TP63: variants seen among roughly 807,000 people sequenced by gnomAD.
TP63 encodes tumor protein 63.
In TP63, 17 loss-of-function variants were observed where a neutral mutation model predicts 82.8. The ratio of observed to expected loss-of-function variants is 0.21; its 90% CI spans 0.14 to 0.31. The LOEUF is 0.31. Among genes scored for constraint, TP63 ranks in the 10% least tolerant of loss-of-function variants. The probability of loss-of-function intolerance (pLI) is 1.00; values close to 1 mark genes in which losing one functional copy is unlikely to be tolerated. For synonymous variants in TP63, 330 were observed against 321.7 expected (o/e 1.03, Z -0.28); for missense variants, 648 against 895.3 (o/e 0.72, Z 3.52).
intron 3 of TP63, among the ~76,000 whole-genome samples, chr3:189,760,973 C>A (rs1722522682): frequency 6.6e-6 from 1 of 152,176 alleles, no homozygotes; most frequent in South Asian, 2.1e-4. Flanking sequence ...CTCTACATTG[C>A]CCCTCTCAGC....
At chr3:189,803,547 T>A (rs1171784023) in intron 3 of TP63, among the ~76,000 whole-genome samples, 1 of 152,228 alleles carries the variant, frequency 6.6e-6, no homozygotes, top group Non-Finnish European at 1.5e-5. Flanking sequence ...GAAAACAGTT[T>A]GAGATTCAGC....
chr3:189,727,432 G>A (rs1184978482), intron 1 of TP63, among the ~76,000 whole-genome samples: 2 of 152,180 alleles, frequency 1.3e-5, no homozygotes, highest in East Asian at 3.9e-4. Flanking sequence ...CTGACAAAGA[G>A]TGAGCAGCCT....
intron 3 of TP63, among the ~76,000 whole-genome samples, chr3:189,789,458 G>A (rs1724899680): frequency 6.6e-6 from 1 of 151,510 alleles, no homozygotes; most frequent in Non-Finnish European, 1.5e-5. Flanking sequence ...TGTCTCCTGG[G>A]TTTGTTTTTT....
At chr3:189,883,552 G>A (rs1055340481) in intron 10 of TP63, among the ~76,000 whole-genome samples, 2 of 152,112 alleles carry the variant, frequency 1.3e-5, no homozygotes, top group Non-Finnish European at 2.9e-5. Flanking sequence ...GAGGCTGGAG[G>A]GAAACAGTGA....
chr3:189,844,616 A>T (rs1714621108), intron 4 of TP63, among the ~76,000 whole-genome samples: 1 of 152,172 alleles, frequency 6.6e-6, no homozygotes, highest in Non-Finnish European at 1.5e-5. Flanking sequence ...TTAAAAAATA[A>T]TATCTTTCTC....
At chr3:189,863,098 C>T (rs905069216) in intron 4 of TP63, among the ~76,000 whole-genome samples, 2 of 152,170 alleles carry the variant, frequency 1.3e-5, no homozygotes, top group African/African-American at 4.8e-5. Context: ...AGTAACGAAT[C>T]CGATTGCCAC....
chr3:189,633,236 CTTTAT>C (rs1391650390), intron 1 of TP63, among the ~76,000 whole-genome samples: 1 of 151,366 alleles, frequency 6.6e-6, no homozygotes, highest in Non-Finnish European at 1.5e-5. Context: ...TTTTTTTAAC[CTTTAT>C]TTTAAGTTCA....
intron 1 of TP63, among the ~76,000 whole-genome samples, chr3:189,641,717 A>G (rs566938190): frequency 2.6e-5 from 4 of 152,304 alleles, no homozygotes; most frequent in Admixed American, 2.6e-4. Flanking sequence ...TTATTAATTA[A>G]GAATGTTATA....
chr3:189,738,053 A>G (rs372240249), intron 2 of TP63, among the ~76,000 whole-genome samples, 185 bp downstream of exon 2: 23 of 152,186 alleles, frequency 1.5e-4, no homozygotes, highest in African/African-American at 5.1e-4. Flanking sequence ...TCTAACACCA[A>G]AAGATCCTTG....
intron 4 of TP63, among the ~76,000 whole-genome samples, chr3:189,848,239 T>TTCTCTCCCTCTCTC (rs1715151924): frequency 2.1e-5 from 2 of 95,984 alleles, no homozygotes; most frequent in African/African-American, 4.3e-5. Flanking sequence ...CTCCTCCTCC[T>TTCTCTCCCTCTCTC]TCTCTCTCTC....
At chr3:189,609,003 C>T in the TP63 span, among the ~76,000 whole-genome samples, 1 of 152,074 alleles carries the variant, frequency 6.6e-6, no homozygotes, top group South Asian at 2.1e-4. Context: ...TAGTTTCATA[C>T]AATGAATTTT....
chr3:189,887,435 G>C (rs1030392259), intron 11 of TP63, among the ~76,000 whole-genome samples: 4 of 152,044 alleles, frequency 2.6e-5, no homozygotes, highest in African/African-American at 4.8e-5. Flanking sequence ...GAAGGAACCT[G>C]CCTTTTATTT....
chr3:189,807,370 G>C (rs1242074560), intron 3 of TP63, among the ~76,000 whole-genome samples: 1 of 152,224 alleles, frequency 6.6e-6, no homozygotes, highest in Non-Finnish European at 1.5e-5. Context: ...TTTTTGTAGA[G>C]TAAATGAGGC....
chr3:189,707,525 C>A (rs1718293244), intron 1 of TP63, among the ~76,000 whole-genome samples: 1 of 152,044 alleles, frequency 6.6e-6, no homozygotes, highest in Non-Finnish European at 1.5e-5. Context: ...GAGATATTCC[C>A]AGACATGTTT....
intron 4 of TP63, among the ~76,000 whole-genome samples, chr3:189,814,035 T>C (rs1208716030): frequency 6.6e-6 from 1 of 152,178 alleles, no homozygotes; most frequent in Non-Finnish European, 1.5e-5. Flanking sequence ...GAACAGCCAG[T>C]TCCCGGGAGA....
chr3:189,636,513 T>C (rs1375318647), intron 1 of TP63, among the ~76,000 whole-genome samples: 1 of 152,104 alleles, frequency 6.6e-6, no homozygotes. Flanking sequence ...TTCTTGGAGA[T>C]TGTGATTTTA....
intron 3 of TP63, among the ~76,000 whole-genome samples, chr3:189,792,223 A>G (rs1267876497): frequency 6.6e-6 from 1 of 152,044 alleles, no homozygotes; most frequent in Non-Finnish European, 1.5e-5. Context: ...AGGGAGGAGA[A>G]CACAAGCAGG....
intron 1 of TP63, among the ~76,000 whole-genome samples, chr3:189,719,199 G>A (rs1191173575): frequency 2.0e-5 from 3 of 152,178 alleles, no homozygotes; most frequent in Non-Finnish European, 4.4e-5. Context: ...GAGAGAACTT[G>A]TTCTTTGGGA....
chr3:189,648,350 T>A (rs964034581), intron 1 of TP63, among the ~76,000 whole-genome samples: 4 of 147,120 alleles, frequency 2.7e-5, no homozygotes, highest in Admixed American at 2.7e-4. Flanking sequence ...TTGTTTCTTA[T>A]CTGTCTCTTC....
Sources: gnomAD v4.1 joint callset for allele counts (sites outside exome capture counted in the v4.1 genomes callset) on GRCh38, gnomAD v4.1.1 for gene constraint, MANE v1.5 for transcripts, NCBI Gene and HGNC (gene_info 2026-07-23, HGNC 2026-07-21) for gene names.